The following CHN2 variants were observed in gnomAD, a reference collection of about 807,000 sequenced individuals.
The protein encoded by CHN2 is chimerin 2, also known as beta-chimaerin.
A neutral mutation model predicts 56.3 loss-of-function variants in CHN2; 35 were observed. That is an observed-to-expected ratio of 0.62 (90% CI 0.47 to 0.82). The LOEUF (loss-of-function observed/expected upper bound fraction) is 0.82, where lower values mean the gene tolerates loss of function less well. Ranked by LOEUF, CHN2 falls within the 40% of genes least tolerant of loss-of-function variation. The probability of loss-of-function intolerance (pLI) is 0.00; values close to 1 mark genes in which losing one functional copy is unlikely to be tolerated. For synonymous variants in CHN2, 210 were observed against 212.8 expected (o/e 0.99, Z 0.12); for missense variants, 491 against 580.5 (o/e 0.85, Z 1.58).
At chr7:29,240,355 A>G (rs543590975) in intron 1 of CHN2, among the ~76,000 whole-genome samples, 1 of 152,318 alleles carries the variant, frequency 6.6e-6, no homozygotes, top group Admixed American at 6.5e-5. Flanking sequence ...CAGAATGAGT[A>G]TTGACTCCAT....
chr7:29,157,660 A>C (rs1029078126), intron 2 of CHN2, among the ~76,000 whole-genome samples: 2 of 152,192 alleles, frequency 1.3e-5, no homozygotes, highest in Admixed American at 6.5e-5. Context: ...ATAATGTTTC[A>C]TTGGAGATAA....
intron 1 of CHN2, among the ~76,000 whole-genome samples, chr7:29,240,132 G>A (rs1009918174): frequency 6.6e-6 from 1 of 152,144 alleles, no homozygotes; most frequent in African/African-American, 2.4e-5. Context: ...GCCAATTGAG[G>A]TATCCACCTT....
chr7:29,172,721 A>C (rs141662940), intron 2 of CHN2, among the ~76,000 whole-genome samples: 228 of 152,318 alleles, frequency 1.5e-3, no homozygotes, highest in Non-Finnish European at 2.7e-3. Context: ...GATTTCAAGA[A>C]TCATTAATGT....
chr7:29,329,939 G>GA (rs886349930), intron 1 of CHN2, among the ~76,000 whole-genome samples: 6 of 152,048 alleles, frequency 3.9e-5, no homozygotes, highest in African/African-American at 1.4e-4. Flanking sequence ...TCACTGTCTG[G>GA]ACTATTCATA....
At chr7:29,396,932 C>G (rs1481316884) in intron 4 of CHN2, 2 of 152,550 alleles carry the variant, frequency 1.3e-5, no homozygotes, top group Non-Finnish European at 1.5e-5. Flanking sequence ...CCAATCCACA[C>G]CTGCTATGCA....
intron 7 of CHN2, among the ~76,000 whole-genome samples, chr7:29,489,448 C>A (rs185504835): frequency 2.6e-5 from 4 of 152,114 alleles, no homozygotes; most frequent in Admixed American, 2.6e-4. Context: ...TTTTAAGATA[C>A]GGTATATTTC....
intron 6 of CHN2, among the ~76,000 whole-genome samples, chr7:29,418,327 G>A (rs1003400749): frequency 4.6e-5 from 7 of 152,364 alleles, no homozygotes; most frequent in African/African-American, 1.7e-4. Context: ...GGAAGCGCGG[G>A]GAGGAGGCAT....
intron 5 of CHN2, chr7:29,400,249 G>A (rs1244891213): frequency 1.9e-5 from 8 of 422,160 alleles, no homozygotes; most frequent in East Asian, 8.7e-5. Context: ...AGGATCAAAC[G>A]ACTCCATGTG....
rs556143340 is a variant in CHN2, at chr7:29,214,898, T to C, written c.49+19908T>C. On this transcript the variant is annotated intron_variant, in intron 1 of 12. Transcript: ENST00000222792. ...GTGGATGCCAGCCACCATGCTTGGCTTTGAGGACATAAATAGATACGTAGC... is the reference window on the plus strand; with the variant it reads ...GTGGATGCCAGCCACCATGCTTGGCCTTGAGGACATAAATAGATACGTAGC... Among the ~76,000 whole-genome samples the C allele has an allele frequency of 2.0e-5, 3 of 152,284 alleles. No homozygotes were observed. The South Asian group carries it at 6.2e-4, about 32-fold the overall frequency.
chr7:29,237,466 T>C (rs554800923), intron 1 of CHN2, among the ~76,000 whole-genome samples: 1 of 147,334 alleles, frequency 6.8e-6, no homozygotes, highest in South Asian at 2.1e-4. Context: ...AAGATTTCAG[T>C]TTTATGTCTT....
chr7:29,334,306 C>A (rs965015328), intron 1 of CHN2, among the ~76,000 whole-genome samples: 15 of 152,066 alleles, frequency 9.9e-5, no homozygotes, highest in African/African-American at 3.4e-4. Context: ...TCGCCTTGGC[C>A]TCCCAAAGTG....
chr7:29,339,173 A>G (rs1313649603), intron 1 of CHN2, among the ~76,000 whole-genome samples: 1 of 152,244 alleles, frequency 6.6e-6, no homozygotes, highest in Non-Finnish European at 1.5e-5. Flanking sequence ...TTTTTAAAAA[A>G]GGAAGCTAAG....
At chr7:29,281,755 G>A (rs937945925) in intron 1 of CHN2, among the ~76,000 whole-genome samples, 5 of 152,186 alleles carry the variant, frequency 3.3e-5, no homozygotes, top group African/African-American at 9.7e-5. Context: ...GGGAGACACC[G>A]TACAGCCCCG....
At chr7:29,292,529 G>T (rs192197054) in intron 1 of CHN2, among the ~76,000 whole-genome samples, 3 of 152,362 alleles carry the variant, frequency 2.0e-5, no homozygotes, top group Admixed American at 1.3e-4. Context: ...AGACACAGAT[G>T]CCTTGCTTTT....
intron 1 of CHN2, among the ~76,000 whole-genome samples, chr7:29,329,032 C>T (rs1247737988): frequency 6.6e-6 from 1 of 152,056 alleles, no homozygotes; most frequent in African/African-American, 2.4e-5. Context: ...CTTAAAAGGG[C>T]CACATGGAAT....
chr7:29,275,983 T>C (rs1278299126), intron 1 of CHN2, among the ~76,000 whole-genome samples: 1 of 151,916 alleles, frequency 6.6e-6, no homozygotes, highest in Non-Finnish European at 1.5e-5. Flanking sequence ...ATAGGTTCAC[T>C]AGAAGCCCAA....
At chr7:29,433,852 AGGAAGGAAGGGAGAGG>A (rs1484568056) in intron 6 of CHN2, among the ~76,000 whole-genome samples, 2 of 149,832 alleles carry the variant, frequency 1.3e-5, no homozygotes, top group Non-Finnish European at 3.0e-5. Flanking sequence ...AAAAAAAAAA[AGGAAGGAAGGGAGAGG>A]GGGAGGAAGG....
At chr7:29,171,327 C>G (rs1172625370) in intron 2 of CHN2, among the ~76,000 whole-genome samples, 2 of 152,192 alleles carry the variant, frequency 1.3e-5, no homozygotes, top group Non-Finnish European at 2.9e-5. Context: ...GAAGAACAAC[C>G]TGTAAACTGG....
At chr7:29,416,538 T>C (rs1025557284) in intron 6 of CHN2, among the ~76,000 whole-genome samples, 9 of 152,102 alleles carry the variant, frequency 5.9e-5, no homozygotes, top group Admixed American at 2.6e-4. Flanking sequence ...CTGTAGAAGG[T>C]TTGTTAGTAC....
Sources: allele counts gnomAD v4.1 joint callset (sites outside exome capture counted in the v4.1 genomes callset), GRCh38; gene constraint gnomAD v4.1.1; transcripts MANE v1.5; gene names NCBI Gene and HGNC (gene_info 2026-07-23, HGNC 2026-07-21).